UBE2H: variants seen among roughly 807,000 people sequenced by gnomAD.
UBE2H encodes ubiquitin conjugating enzyme E2 H.
UBE2H carries 3 observed loss-of-function variants against 29.0 expected under a neutral mutation model. That is an observed-to-expected ratio of 0.10 (90% CI 0.05 to 0.27). UBE2H has a LOEUF of 0.27. Among genes scored for constraint, UBE2H ranks in the 10% least tolerant of loss-of-function variants. UBE2H has a pLI of 1.00. For missense variants in UBE2H, 68 were observed against 228.2 expected (o/e 0.30, Z 4.52); for synonymous variants, 69 against 82.9 (o/e 0.83, Z 0.91).
chr7:129,891,887 T>C (rs1368901178), intron 1 of UBE2H, among the ~76,000 whole-genome samples: 1 of 148,390 alleles, frequency 6.7e-6, no homozygotes, highest in Non-Finnish European at 1.5e-5. Context: ...TTTATAAATG[T>C]AGTGTGTGTG....
intron 1 of UBE2H, among the ~76,000 whole-genome samples, chr7:129,898,747 G>C (rs886733855): frequency 6.6e-6 from 1 of 151,514 alleles, no homozygotes; most frequent in African/African-American, 2.4e-5. Flanking sequence ...AATCCCTCCT[G>C]AAAGACACAA....
At chr7:129,849,373 T>TTTG (rs982489498) in intron 5 of UBE2H, among the ~76,000 whole-genome samples, 4 of 151,232 alleles carry the variant, frequency 2.6e-5, no homozygotes, top group Non-Finnish European at 5.9e-5. Context: ...AAGTCAGGGG[T>TTTG]TCAAGACCAA....
rs1314453896 is a variant in UBE2H at position 129,952,824 on chromosome 7, T to TGCGCC, written c.-274_-270dup. On this transcript the variant is annotated 5_prime_UTR_variant, in exon 1 of 7. Coordinates refer to ENST00000355621, the MANE Select transcript of UBE2H (RefSeq NM_003344.4). ...CCGCGGCCCTGCCCCGGCGCTCCTC[T>TGCGCC]GCGCCGCGCGACGCTCCCTCCTGCC... The TGCGCC allele has an allele frequency of 3.6e-6, 1 of 276,012 alleles. No homozygotes were observed. The highest frequency in any genetic ancestry group is 2.2e-5 in the African/African-American group (1 of 44,724). 17.1% of individuals were successfully genotyped at this position (276,012 alleles called of 1,614,324 possible). A position where few individuals can be genotyped will look rare whatever the true frequency, so the allele number is the denominator to read the frequency against.
chr7:129,890,030 G>A (rs995084339), intron 1 of UBE2H, among the ~76,000 whole-genome samples: 14 of 152,166 alleles, frequency 9.2e-5, no homozygotes, highest in Admixed American at 7.2e-4. Flanking sequence ...CTACTTTGAC[G>A]GCTGAGGCAA....
chr7:129,924,255 C>T (rs1378515442), intron 1 of UBE2H, among the ~76,000 whole-genome samples: 3 of 152,100 alleles, frequency 2.0e-5, no homozygotes, highest in African/African-American at 7.2e-5. Context: ...CCATCTAATT[C>T]CAGGGATCCA....
chr7:129,866,340 G>A (rs534552851), intron 3 of UBE2H, among the ~76,000 whole-genome samples: 1 of 152,310 alleles, frequency 6.6e-6, no homozygotes, highest in South Asian at 2.1e-4. Context: ...AAGGTGAAGT[G>A]TTATCCTTCA....
chr7:129,865,184 T>TC (rs1805879794), intron 3 of UBE2H: 1 of 328,854 alleles, frequency 3.0e-6, no homozygotes, highest in Non-Finnish European at 6.0e-6. Context: ...ACTCCAATAC[T>TC]CAACTGCTCT....
intron 6 of UBE2H, among the ~76,000 whole-genome samples, chr7:129,837,692 T>C (rs1246035829): frequency 1.3e-5 from 2 of 152,062 alleles, no homozygotes; most frequent in African/African-American, 4.8e-5. Flanking sequence ...GTCTCTTATT[T>C]ATTTCCTATA....
At chr7:129,872,668 C>A (rs1050992604) in intron 3 of UBE2H, among the ~76,000 whole-genome samples, 4 of 151,460 alleles carry the variant, frequency 2.6e-5, no homozygotes, top group Non-Finnish European at 5.9e-5. Flanking sequence ...ATGGTGAAAC[C>A]CCGTCTCTAC....
At chr7:129,849,453 C>T (rs964602197) in intron 5 of UBE2H, among the ~76,000 whole-genome samples, 9 of 151,978 alleles carry the variant, frequency 5.9e-5, no homozygotes, top group African/African-American at 1.9e-4. Context: ...TGGTGGGCGC[C>T]GGTAATCCCA....
At chr7:129,934,064 G>A (rs1318069796) in intron 1 of UBE2H, among the ~76,000 whole-genome samples, 1 of 152,202 alleles carries the variant, frequency 6.6e-6, no homozygotes, top group East Asian at 1.9e-4. Flanking sequence ...ACTCATGCCT[G>A]TAATCCCAGC....
intron 1 of UBE2H, among the ~76,000 whole-genome samples, chr7:129,933,024 A>G (rs765612866): frequency 1.4e-4 from 22 of 152,186 alleles, no homozygotes; most frequent in Non-Finnish European, 2.8e-4. Context: ...GTCCACAAAC[A>G]AAGAAAAACA....
At chr7:129,947,427 C>T (rs1032105794) in intron 1 of UBE2H, among the ~76,000 whole-genome samples, 1 of 152,140 alleles carries the variant, frequency 6.6e-6, no homozygotes, top group Non-Finnish European at 1.5e-5. Flanking sequence ...CCAATTGACA[C>T]TAGAACTAGT....
chr7:129,889,741 T>C (rs1806435617), intron 1 of UBE2H, among the ~76,000 whole-genome samples: 2 of 152,072 alleles, frequency 1.3e-5, no homozygotes, highest in African/African-American at 2.4e-5. Context: ...CCCAACACTT[T>C]GGGAAGCAAG....
chr7:129,908,083 A>G (rs2116439943), intron 1 of UBE2H, among the ~76,000 whole-genome samples: 2 of 152,278 alleles, frequency 1.3e-5, no homozygotes, highest in Middle Eastern at 6.8e-3. Flanking sequence ...CCACTGTGTA[A>G]TTTCTATACG....
intron 1 of UBE2H, among the ~76,000 whole-genome samples, chr7:129,892,326 A>G (rs1192183120): frequency 6.6e-6 from 1 of 151,598 alleles, no homozygotes; most frequent in African/African-American, 2.4e-5. Context: ...ATCTTGGCTC[A>G]CTGAAACCTC....
intron 1 of UBE2H, among the ~76,000 whole-genome samples, chr7:129,915,415 TC>T (rs1444482594): frequency 6.6e-6 from 1 of 152,028 alleles, no homozygotes; most frequent in Non-Finnish European, 1.5e-5. Flanking sequence ...GCACCTGTAG[TC>T]CCAGCTACTT....
At chr7:129,929,317 C>CAAA (rs1255962023) in intron 1 of UBE2H, among the ~76,000 whole-genome samples, 7,132 of 91,270 alleles carry the variant, frequency 0.078, 271 homozygotes, top group Non-Finnish European at 0.12. Context: ...AACTCCATCT[C>CAAA]AAAAAAAAAA....
In UBE2H at chr7:129,867,726, A is replaced by G. The variant is rs1254393418; in HGVS notation, c.206-8785T>C. 4.8e-4 allele frequency among the ~76,000 whole-genome samples: 51 copies of G among 106,042 alleles called. 1 individual carries two copies. In the East Asian group the frequency reaches 0.012, roughly 25 times the overall value. The allele number at this position is 106,042 out of a possible 152,430, so 69.6% of individuals were successfully genotyped here. A position where few individuals can be genotyped will look rare whatever the true frequency, so the allele number is the denominator to read the frequency against. On this transcript the variant is annotated intron_variant, in intron 3 of 6. Transcript: ENST00000355621. ...AAAAAAAAAAAAAAAAAGAAAACCA[A>G]AAAAAAAAAAAAAAAAGAAGACCAT...
Sources: allele counts gnomAD v4.1 joint callset (sites outside exome capture counted in the v4.1 genomes callset), GRCh38; gene constraint gnomAD v4.1.1; transcripts MANE v1.5; gene names NCBI Gene and HGNC (gene_info 2026-07-23, HGNC 2026-07-21).